CHODL: variants seen among roughly 807,000 people sequenced by gnomAD.
The protein encoded by CHODL is chondrolectin.
A neutral mutation model predicts 34.5 loss-of-function variants in CHODL; 29 were observed. The observed-to-expected ratio is 0.84, with a 90% confidence interval of 0.63 to 1.15. The LOEUF (loss-of-function observed/expected upper bound fraction) is 1.15. Ranked by LOEUF, CHODL falls within the 50% of genes most tolerant of loss-of-function variation. CHODL has a pLI of 0.00. For missense variants in CHODL, 332 were observed against 332.5 expected (o/e 1.00, Z 0.01); for synonymous variants, 125 against 116.1 (o/e 1.08, Z -0.49).
At chr21:18,084,067 G>T (rs1478770571) in intron 2 of CHODL, among the ~76,000 whole-genome samples, 1 of 152,200 alleles carries the variant, frequency 6.6e-6, no homozygotes, top group Non-Finnish European at 1.5e-5. Flanking sequence ...TTGGTGCTAG[G>T]TGATTAAATC....
Position 18,262,952 on chromosome 21 carries a change from G to T in CHODL, c.737+59G>T, listed in dbSNP as rs2074400765. The stretch of plus-strand genomic sequence containing the variant: ...AAACTTTAAATAGGTTTTCAGAAAT[G>T]TTTTAAAACTATTAGCATAAAGTTA... On this transcript the variant is annotated intron_variant, in intron 5 of 5. Transcript: ENST00000299295. 4.3e-6 allele frequency: 4 copies of T among 938,230 alleles called. No homozygotes were observed. The Admixed American group carries it at 5.6e-5, about 13-fold the overall frequency. 58.1% of individuals were successfully genotyped at this position (938,230 alleles called of 1,614,324 possible). A position where few individuals can be genotyped will look rare whatever the true frequency, so the allele number is the denominator to read the frequency against.
intron 1 of CHODL, among the ~76,000 whole-genome samples, chr21:17,936,493 A>G (rs1483970122): frequency 6.6e-6 from 1 of 151,840 alleles, no homozygotes; most frequent in Non-Finnish European, 1.5e-5. Flanking sequence ...CATCAGAAAG[A>G]GTCCATTTGG....
In CHODL at chr21:18,244,997, T is replaced by G; in HGVS notation, c.-227T>G. On this transcript the variant is annotated 5_prime_UTR_variant, in exon 1 of 6. Transcript: ENST00000299295. ...ACTTCAGTCCCCCAAACGCGCACCCTCGAAGTCTTGAACTCCAGCCCCGCA... is the reference window on the plus strand; with the variant it reads ...ACTTCAGTCCCCCAAACGCGCACCCGCGAAGTCTTGAACTCCAGCCCCGCA... The G allele has an allele frequency of 2.2e-6, 1 of 461,218 alleles. No homozygotes were observed. The highest frequency in any genetic ancestry group is 3.8e-6 in the Non-Finnish European group (1 of 263,728). 28.6% of individuals were successfully genotyped at this position (461,218 alleles called of 1,614,324 possible).
chr21:18,251,975 A>T (rs1370695465), intron 1 of CHODL, among the ~76,000 whole-genome samples: 1 of 151,882 alleles, frequency 6.6e-6, no homozygotes, highest in Non-Finnish European at 1.5e-5. Context: ...TTACATATTT[A>T]AATACTTTTT....
chr21:18,138,876 A>G, intron 2 of CHODL, among the ~76,000 whole-genome samples: 1 of 152,130 alleles, frequency 6.6e-6, no homozygotes, highest in East Asian at 1.9e-4. Flanking sequence ...TTAGGAATAT[A>G]TCAAATAGGA....
intron 2 of CHODL, among the ~76,000 whole-genome samples, chr21:18,144,222 C>T (rs4818405): frequency 0.39 from 59,345 of 151,864 alleles, 14,109 homozygotes; most frequent in African/African-American, 0.65. Flanking sequence ...TTATTTGATA[C>T]CTGAGAGGAT....
At chr21:18,203,250 A>G (rs939642269) in intron 2 of CHODL, among the ~76,000 whole-genome samples, 2 of 152,208 alleles carry the variant, frequency 1.3e-5, no homozygotes, top group Admixed American at 1.3e-4. Context: ...TGTAGGAACC[A>G]TTTGAGTATT....
intron 2 of CHODL, among the ~76,000 whole-genome samples, chr21:18,060,003 A>G (rs1306016132): frequency 6.6e-6 from 1 of 151,988 alleles, no homozygotes; most frequent in Non-Finnish European, 1.5e-5. Flanking sequence ...CTTTCTTAAG[A>G]TTTTTAAAAT....
intron 2 of CHODL, among the ~76,000 whole-genome samples, chr21:18,119,258 G>A (rs1039625433): frequency 6.6e-5 from 10 of 151,478 alleles, no homozygotes; most frequent in African/African-American, 1.7e-4. Context: ...CCAGTCATCC[G>A]CTGATCTAGT....
intron 2 of CHODL, among the ~76,000 whole-genome samples, chr21:18,135,777 G>A (rs1306592971): frequency 6.6e-6 from 1 of 152,088 alleles, no homozygotes; most frequent in Non-Finnish European, 1.5e-5. Flanking sequence ...CATGGTAGTT[G>A]TTCAATATAA....
intron 2 of CHODL, among the ~76,000 whole-genome samples, chr21:18,168,291 A>G (rs893714643): frequency 1.1e-4 from 16 of 152,170 alleles, no homozygotes; most frequent in African/African-American, 3.9e-4. Context: ...TATGTGTACA[A>G]CTATCCTATT....
In CHODL at chr21:18,256,627, A is replaced by G. The variant is rs767239738; in HGVS notation, c.198A>G (p.Gly66=). ...GCCTGGCTTGTGAGAGTGAGGGAGG[A>G]GTCCTCCTCAGCCTTGAGAATGAAG... ...EARLACESEG[G]VLLSLENEAE... is the part of the protein sequence containing the mutation. The change falls in exon 2 of 6, where the codon GGA becomes GGG. Residue 66 remains glycine (G), a synonymous_variant. Coordinates refer to ENST00000299295, the MANE Select transcript of CHODL (RefSeq NM_024944.3). The G allele has an allele frequency of 1.2e-6, 2 of 1,613,958 alleles. No individual in the cohort carries two copies. The highest frequency in any genetic ancestry group is 1.7e-5 in the Admixed American group (1 of 59,970).
chr21:18,200,966 G>C (rs1370281601), intron 2 of CHODL, among the ~76,000 whole-genome samples: 1 of 152,174 alleles, frequency 6.6e-6, no homozygotes, highest in African/African-American at 2.4e-5. Context: ...AGAACCGTCA[G>C]AAGGAACAGA....
intron 1 of CHODL, chr21:18,022,336 T>C (rs1482439063): frequency 6.6e-6 from 1 of 152,190 alleles, no homozygotes; most frequent in Non-Finnish European, 1.5e-5. Context: ...TCCTCTTCTG[T>C]CTCATATTTT....
intron 1 of CHODL, among the ~76,000 whole-genome samples, chr21:17,946,344 C>A (rs1304820240): frequency 6.6e-6 from 1 of 152,132 alleles, no homozygotes; most frequent in East Asian, 1.9e-4. Flanking sequence ...GCGTGAACCC[C>A]CGGGGGCGGA....
chr21:17,950,522 A>G (rs1014630978), intron 1 of CHODL, among the ~76,000 whole-genome samples: 5 of 125,338 alleles, frequency 4.0e-5, no homozygotes, highest in Non-Finnish European at 6.9e-5. Context: ...ACACACACAC[A>G]CACACACACA....
intron 2 of CHODL, among the ~76,000 whole-genome samples, chr21:18,189,207 C>T (rs2073481470): frequency 6.6e-6 from 1 of 152,140 alleles, no homozygotes. Flanking sequence ...ACTTTCATTT[C>T]TCAGTGTAGC....
At chr21:18,002,909 G>T (rs907003375) in intron 1 of CHODL, among the ~76,000 whole-genome samples, 1 of 152,058 alleles carries the variant, frequency 6.6e-6, no homozygotes, top group Non-Finnish European at 1.5e-5. Context: ...GGATCATAAG[G>T]TCAGGAGATC....
chr21:18,085,732 A>G (rs939498091), intron 2 of CHODL, among the ~76,000 whole-genome samples: 5 of 152,176 alleles, frequency 3.3e-5, no homozygotes, highest in African/African-American at 1.2e-4. Context: ...TGTTAGTCTG[A>G]TGGGATTTCC....
Sources: gnomAD v4.1 joint callset for allele counts (sites outside exome capture counted in the v4.1 genomes callset) on GRCh38, gnomAD v4.1.1 for gene constraint, MANE v1.5 for transcripts, NCBI Gene and HGNC (gene_info 2026-07-23, HGNC 2026-07-21) for gene names.